Variants in B3GALT1 observed in about 807,000 individuals in gnomAD.
B3GALT1 encodes UDP-Gal:betaGlcNAc beta 1,3-galactosyltransferase, polypeptide 1.
Under a neutral mutation model 23.2 loss-of-function variants are expected in B3GALT1, and 10 were observed. That is an observed-to-expected ratio of 0.43 (90% CI 0.27 to 0.73). B3GALT1 has a LOEUF of 0.73. B3GALT1 is among the 30% of genes least tolerant of loss of function. The probability of loss-of-function intolerance (pLI) is 0.21; values close to 1 mark genes in which losing one functional copy is unlikely to be tolerated. For synonymous variants in B3GALT1, 156 were observed against 141.5 expected, an observed-to-expected ratio of 1.10 and a Z score of -0.73; for missense variants, 299 against 405.4, an observed-to-expected ratio of 0.74 and a Z score of 2.25.
chr2:167,454,429 C>A (rs1283620553), intron 1 of B3GALT1, among the ~76,000 whole-genome samples: 1 of 152,102 alleles, frequency 6.6e-6, no homozygotes, highest in Non-Finnish European at 1.5e-5. Context: ...GACTTAAAGC[C>A]AACGTCAGCA....
At chr2:167,698,704 C>A (rs1156410481) in intron 3 of B3GALT1, among the ~76,000 whole-genome samples, 1 of 152,174 alleles carries the variant, frequency 6.6e-6, no homozygotes, top group Non-Finnish European at 1.5e-5. Flanking sequence ...GTAAGCTATT[C>A]CAAAAAATCT....
chr2:167,495,297 C>A (rs868632623), intron 2 of B3GALT1, among the ~76,000 whole-genome samples: 47 of 144,732 alleles, frequency 3.2e-4, no homozygotes, highest in South Asian at 8.9e-4. Flanking sequence ...GAAGAGGTGC[C>A]ATTTTGCTTT....
chr2:167,779,423 A>G (rs1688212495), intron 3 of B3GALT1, among the ~76,000 whole-genome samples: 1 of 152,198 alleles, frequency 6.6e-6, no homozygotes, highest in South Asian at 2.1e-4. Context: ...TCTTTAAGTT[A>G]CCTGCTATGA....
chr2:167,764,729 A>G (rs1167723954), intron 3 of B3GALT1, among the ~76,000 whole-genome samples: 1 of 152,106 alleles, frequency 6.6e-6, no homozygotes, highest in Non-Finnish European at 1.5e-5. Flanking sequence ...GCAAATAATG[A>G]ATGCAAATAA....
intron 3 of B3GALT1, among the ~76,000 whole-genome samples, chr2:167,799,966 GTA>G (rs1466644783): frequency 2.3e-4 from 29 of 126,748 alleles, no homozygotes; most frequent in African/African-American, 1.0e-3. Context: ...ATACACTTAT[GTA>G]TACACTTATG....
Position 167,664,104 on chromosome 2 carries a change from T to G in B3GALT1, c.-352+17138T>G, listed in dbSNP as rs1208365571. On this transcript the variant is annotated intron_variant, in intron 3 of 4. Coordinates refer to ENST00000392690, the MANE Select transcript of B3GALT1 (RefSeq NM_020981.4). The stretch of plus-strand genomic sequence containing the variant: ...GTTTTTATGGTTTTAGGTCTAACGT[T>G]TAAGTCTTTAATCCATCTTGAATTG... 1.3e-5 allele frequency among the ~76,000 whole-genome samples: 2 copies of G among 150,930 alleles called. 1 individual carries two copies. Among genetic ancestry groups the G allele is most frequent in the African/African-American group, 4.9e-5 (2 of 40,520 alleles).
intron 3 of B3GALT1, among the ~76,000 whole-genome samples, chr2:167,653,563 A>G (rs1240743834): frequency 2.0e-5 from 3 of 152,216 alleles, no homozygotes; most frequent in Non-Finnish European, 4.4e-5. Context: ...CAAGGCTTCC[A>G]AAATGAAAGG....
intron 1 of B3GALT1, among the ~76,000 whole-genome samples, chr2:167,315,012 A>C (rs751597156): frequency 6.6e-6 from 1 of 152,190 alleles, no homozygotes; most frequent in Non-Finnish European, 1.5e-5. Flanking sequence ...TTAATAAATT[A>C]TCTCTTAAGC....
intron 1 of B3GALT1, among the ~76,000 whole-genome samples, chr2:167,395,466 G>A (rs1278251185): frequency 6.6e-6 from 1 of 152,056 alleles, no homozygotes; most frequent in Non-Finnish European, 1.5e-5. Context: ...GAATACAATG[G>A]CTCCTAGTAG....
chr2:167,757,109 A>G (rs1414563574), intron 3 of B3GALT1, among the ~76,000 whole-genome samples: 1 of 152,166 alleles, frequency 6.6e-6, no homozygotes, highest in Non-Finnish European at 1.5e-5. Flanking sequence ...ATCATCCACT[A>G]CGTCAGAGGA....
intron 1 of B3GALT1, among the ~76,000 whole-genome samples, chr2:167,380,548 G>A (rs971870857): frequency 2.3e-4 from 35 of 152,128 alleles, no homozygotes; most frequent in African/African-American, 8.5e-4. Flanking sequence ...AAACTAAAAT[G>A]CCTACACAGC....
intron 2 of B3GALT1, among the ~76,000 whole-genome samples, chr2:167,593,752 G>C (rs1684724603): frequency 6.6e-6 from 1 of 152,202 alleles, no homozygotes; most frequent in South Asian, 2.1e-4. Flanking sequence ...CTGGGTGATG[G>C]GCGGTGCAGT....
rs371196977 is a variant in B3GALT1, at chr2:167,353,032, A to G, written c.-511+59698A>G. 9.8e-5 allele frequency among the ~76,000 whole-genome samples: 15 copies of G among 152,318 alleles called. No homozygotes were observed. In the South Asian group the frequency reaches 1.7e-3, roughly 17 times the overall value. ...TGTGGGGAAAAGTTAAGAGTGAGAA[A>G]GTAGAAGGGAAAGAGACCTATCTCT... On this transcript the variant is annotated intron_variant, in intron 1 of 4. Transcript: ENST00000392690.
chr2:167,585,182 G>A (rs1466373883), intron 2 of B3GALT1, among the ~76,000 whole-genome samples: 1 of 152,180 alleles, frequency 6.6e-6, no homozygotes, highest in Non-Finnish European at 1.5e-5. Context: ...ACAGGAGAAA[G>A]ACCGAATGAA....
chr2:167,532,593 T>C (rs1683344723), intron 2 of B3GALT1, among the ~76,000 whole-genome samples: 1 of 141,516 alleles, frequency 7.1e-6, no homozygotes, highest in Admixed American at 7.2e-5. Context: ...TTCATTAGCT[T>C]CTCTTAGTTT....
intron 1 of B3GALT1, among the ~76,000 whole-genome samples, chr2:167,469,560 A>G (rs1241919401): frequency 6.6e-6 from 1 of 152,208 alleles, no homozygotes; most frequent in Non-Finnish European, 1.5e-5. Flanking sequence ...AAATGTGCCC[A>G]TGGTAAGAAT....
At chr2:167,671,851 T>G (rs998668572) in intron 3 of B3GALT1, among the ~76,000 whole-genome samples, 1 of 151,964 alleles carries the variant, frequency 6.6e-6, no homozygotes, top group African/African-American at 2.4e-5. Flanking sequence ...TAAAAGTTGG[T>G]TTTTTGAAAA....
intron 1 of B3GALT1, among the ~76,000 whole-genome samples, chr2:167,323,063 T>C (rs1696837968): frequency 6.6e-6 from 1 of 150,794 alleles, no homozygotes; most frequent in Non-Finnish European, 1.5e-5. Flanking sequence ...CTGGCCTTTT[T>C]AAAAAATAAA....
intron 2 of B3GALT1, among the ~76,000 whole-genome samples, chr2:167,614,752 T>A (rs1003064166): frequency 1.3e-5 from 2 of 151,980 alleles, no homozygotes; most frequent in Non-Finnish European, 2.9e-5. Flanking sequence ...ATAATTATAA[T>A]GCAAATGCAA....
Sources: allele counts gnomAD v4.1 joint callset (sites outside exome capture counted in the v4.1 genomes callset), GRCh38; gene constraint gnomAD v4.1.1; transcripts MANE v1.5; gene names NCBI Gene and HGNC (gene_info 2026-07-23, HGNC 2026-07-21).